KANK4: variants seen among roughly 807,000 people sequenced by gnomAD.
KANK4 encodes the protein KN motif and ankyrin repeat domain-containing protein 4.
KANK4 carries 50 observed loss-of-function variants against 80.8 expected under a neutral mutation model. The ratio of observed to expected loss-of-function variants is 0.62; its 90% CI spans 0.49 to 0.78. The LOEUF (loss-of-function observed/expected upper bound fraction) is 0.78. Among genes scored for constraint, KANK4 ranks in the 30% least tolerant of loss-of-function variants. The probability of loss-of-function intolerance (pLI) is 0.00; values close to 1 mark genes in which losing one functional copy is unlikely to be tolerated. For synonymous variants in KANK4, 465 were observed against 506.9 expected, an observed-to-expected ratio of 0.92 and a Z score of 1.11; for missense variants, 1,196 against 1,240.1, an observed-to-expected ratio of 0.96 and a Z score of 0.53.
rs74076416 is a variant in KANK4, at chr1:62,256,886, G to A, written c.2540-3677C>T. Among the ~76,000 whole-genome samples the A allele has an allele frequency of 1.9e-3, 289 of 152,132 alleles. 1 individual carries two copies. The highest frequency in any genetic ancestry group is 6.3e-3 in the African/African-American group (260 of 41,512). On this transcript the variant is annotated intron_variant, in intron 7 of 9. Transcript: ENST00000371153. ...GCTCTGTCCTGATACGGAAGTGAAC[G>A]TTTGCACTACCTTATTAATAACTTT...
chr1:62,270,386 C>CTTTTTT (rs66601241), intron 4 of KANK4, among the ~76,000 whole-genome samples: 1 of 142,580 alleles, frequency 7.0e-6, no homozygotes, highest in Non-Finnish European at 1.5e-5. Flanking sequence ...CTTTGCTTTG[C>CTTTTTT]TTTTTTTTTT....
rs1236241523 is a variant in KANK4, at chr1:62,238,352, C to T, written c.2913G>A (p.Leu971=). 1 of 1,613,890 alleles carries T rather than the reference C, an allele frequency of 6.2e-7. No individual in the cohort carries two copies. Among genetic ancestry groups the T allele is most frequent in the Non-Finnish European group, 8.5e-7 (1 of 1,180,022 alleles). Residue 971 remains leucine (L), a synonymous_variant, in exon 10 of 10, where the codon CTG becomes CTA. Transcript: ENST00000371153. ...CAATTTCCATATGGGTGGGTGACTTCAGAGCGATGGACAAAGCTGTGCGGC... is the reference window on the plus strand; with the variant it reads ...CAATTTCCATATGGGTGGGTGACTTTAGAGCGATGGACAAAGCTGTGCGGC... ...KAGRTALSIA[L]KSPTHMEIAG... is the part of the protein sequence containing the mutation.
intron 4 of KANK4, among the ~76,000 whole-genome samples, chr1:62,269,380 G>A (rs1477876829): frequency 6.6e-6 from 1 of 152,154 alleles, no homozygotes. Context: ...AACCCCCTAA[G>A]GACCCTTCTC....
At chr1:62,304,078 T>G (rs1644432751) in intron 1 of KANK4, among the ~76,000 whole-genome samples, 1 of 152,016 alleles carries the variant, frequency 6.6e-6, no homozygotes, top group African/African-American at 2.4e-5. Context: ...TTTCCGCATG[T>G]TGGCCAGGCT....
intron 7 of KANK4, among the ~76,000 whole-genome samples, chr1:62,255,882 TC>T (rs1252664094): frequency 6.6e-6 from 1 of 152,158 alleles, no homozygotes; most frequent in Non-Finnish European, 1.5e-5. Flanking sequence ...ACTCTTGAGC[TC>T]AAGCCATCCA....
At chr1:62,281,856 A>T (rs1244399372) in intron 1 of KANK4, among the ~76,000 whole-genome samples, 2 of 152,146 alleles carry the variant, frequency 1.3e-5, no homozygotes, top group Non-Finnish European at 2.9e-5. Context: ...ACATGAAAAG[A>T]AGTGGAAGTA....
intron 1 of KANK4, among the ~76,000 whole-genome samples, chr1:62,283,229 T>C (rs1672490044): frequency 6.6e-6 from 1 of 152,188 alleles, no homozygotes; most frequent in Non-Finnish European, 1.5e-5. Context: ...CAGCCTCTCC[T>C]GCTCCTGCTC....
Position 62,273,648 on chromosome 1 carries a change from C to A in KANK4, c.1456G>T (p.Val486Phe), listed in dbSNP as rs1206145360. The A allele has an allele frequency of 6.2e-7, 1 of 1,614,158 alleles. No homozygotes were observed. The highest frequency in any genetic ancestry group is 8.5e-7 in the Non-Finnish European group (1 of 1,180,026). The change falls in exon 3 of 10, where the codon GTC becomes TTC. Residue 486 changes from valine (V) to phenylalanine (F), a missense_variant. Coordinates refer to ENST00000371153, the MANE Select transcript of KANK4 (RefSeq NM_181712.5). ...QLSLPQGPEQ[V>F]LTSSVHSFLS... The stretch of plus-strand genomic sequence containing the variant: ...AAGCTATGTACAGAGGAGGTAAGGA[C>A]CTGCTCGGGTCCCTGTGGCAGTGAC...
chr1:62,278,396 T>TC (rs772231062), intron 2 of KANK4, among the ~76,000 whole-genome samples: 5 of 51,486 alleles, frequency 9.7e-5, no homozygotes, highest in South Asian at 7.1e-4. Context: ...TTTCTTTCTT[T>TC]CTTTTTTTTT....
In KANK4 at chr1:62,274,195, G is replaced by A. The variant is rs770579598; in HGVS notation, c.909C>T (p.Ile303=). 1.1e-5 allele frequency: 17 copies of A among 1,614,138 alleles called. No homozygotes were observed. Among genetic ancestry groups the A allele is most frequent in the East Asian group, 6.7e-5 (3 of 44,878 alleles). ...GTGGAATCTCGCTGATGTTGAGCTCGATTTCTTCCAGGAGGAGCTCATTCT... is the reference window on the plus strand; with the variant it reads ...GTGGAATCTCGCTGATGTTGAGCTCAATTTCTTCCAGGAGGAGCTCATTCT... ...IPENELLLEE[I]ELNISEIPPP... Residue 303 remains isoleucine (I), a synonymous_variant, in exon 3 of 10, where the codon ATC becomes ATT. Coordinates refer to ENST00000371153, the MANE Select transcript of KANK4 (RefSeq NM_181712.5).
rs143234555 is a variant in KANK4 at position 62,264,732 on chromosome 1, A to G, written c.2320-1421T>C. 4.5e-4 allele frequency among the ~76,000 whole-genome samples: 68 copies of G among 152,368 alleles called. 1 individual carries two copies. Among genetic ancestry groups the G allele is most frequent in the African/African-American group, 1.5e-3 (64 of 41,586 alleles). ...CTGAAACACTTTAATAAATCAGAGT[A>G]TCTCCTTTATCCATGGGATCTTCAA... On this transcript the variant is annotated intron_variant, in intron 6 of 9. Coordinates refer to ENST00000371153, the MANE Select transcript of KANK4 (RefSeq NM_181712.5).
In KANK4 at chr1:62,275,061, C is replaced by A; in HGVS notation, c.43G>T (p.Glu15Ter). Reference protein sequence around the residue: ...DAKDQSSQGDEEKDPPKSHPY... With the variant: ...DAKDQSSQGD ...TGGCTCTTCGGAGGGTCTTTCTCTT[C>A]ATCCCCCTGAGAGGACTGGTCTTTG... The change falls in exon 3 of 10, where the codon GAA becomes TAA. Residue 15 changes from glutamate (E) to a stop codon, truncating the protein, a stop_gained. Coordinates refer to ENST00000371153, the MANE Select transcript of KANK4 (RefSeq NM_181712.5). LOFTEE classifies it high-confidence loss of function. 1 of 1,612,708 alleles carries A rather than the reference C, an allele frequency of 6.2e-7. No homozygotes were observed. The highest frequency in any genetic ancestry group is 8.5e-7 in the Non-Finnish European group (1 of 1,179,230).
At chr1:62,310,856 G>A (rs912537858) in intron 1 of KANK4, among the ~76,000 whole-genome samples, 1 of 129,100 alleles carries the variant, frequency 7.7e-6, no homozygotes, top group African/African-American at 3.0e-5. Flanking sequence ...GGTAAAATTA[G>A]GCAAGCACCA....
In KANK4 at chr1:62,314,864, C is replaced by G. The variant is rs138317070; in HGVS notation, c.-71+4242G>C. ...GGCCTGGGCGAGACAGTGAAGTGAT[C>G]CTTTTGAAAACAGGACTTCTTTCTC... On this transcript the variant is annotated intron_variant, in intron 1 of 9. Transcript: ENST00000371153. Among the ~76,000 whole-genome samples, 170 of 152,294 alleles carry G rather than the reference C, an allele frequency of 1.1e-3. 1 individual carries two copies. The highest frequency in any genetic ancestry group is 3.9e-3 in the African/African-American group (164 of 41,554).
intron 2 of KANK4, among the ~76,000 whole-genome samples, chr1:62,279,034 G>C (rs1672387474): frequency 6.6e-6 from 1 of 152,144 alleles, no homozygotes; most frequent in Non-Finnish European, 1.5e-5. Context: ...ACGGCCTCTG[G>C]GCGCAGGTCC....
At chr1:62,238,436 G>C (rs1671259113) in intron 9 of KANK4, 55 bp from the exon 10 acceptor site, 1 of 1,493,422 alleles carries the variant, frequency 6.7e-7, no homozygotes, top group Non-Finnish European at 9.3e-7. Context: ...CCTCCTGCCT[G>C]GGGGAGAAGG....
At chr1:62,242,361 CAAAAAAAAAAAAAA>C (rs57320794) in intron 9 of KANK4, among the ~76,000 whole-genome samples, 105 of 66,154 alleles carry the variant, frequency 1.6e-3, no homozygotes, top group Non-Finnish European at 8.4e-4. Flanking sequence ...GACCATACCT[CAAAAAAAAAAAAAA>C]AAAAAAAAAA....
rs548272273 is a variant in KANK4, at chr1:62,238,314, C to G, written c.2951G>C (p.Arg984Thr). 6.2e-7 allele frequency: 1 copy of G among 1,614,104 alleles called. No individual in the cohort carries two copies. The highest frequency in any genetic ancestry group is 1.3e-5 in the African/African-American group (1 of 75,044). The part of the protein sequence containing the change: ...PTHMEIAGLL[R>T]AHAEQGRSLG... Reference sequence around the variant, plus strand: ...GGACCTGCCCTGCTCCGCGTGGGCTCTCAGAAGCCCAGCAATTTCCATATG... The same window carrying G: ...GGACCTGCCCTGCTCCGCGTGGGCTGTCAGAAGCCCAGCAATTTCCATATG... The change falls in exon 10 of 10, where the codon AGA (arginine) becomes ACA (threonine). Residue 984 changes from arginine (R) to threonine (T), a missense_variant. Around this residue, in one of 3 missense-constraint regions of KANK4, gnomAD observed 1,154 missense variants for 1,179.6 expected, o/e 0.98. Transcript: ENST00000371153.
At chr1:62,302,784 C>G (rs559773679) in intron 1 of KANK4, among the ~76,000 whole-genome samples, 1 of 152,098 alleles carries the variant, frequency 6.6e-6, no homozygotes, top group Admixed American at 6.5e-5. Context: ...TATAAGCCAC[C>G]CCGTCTATGG....
Sources: allele counts gnomAD v4.1 joint callset (sites outside exome capture counted in the v4.1 genomes callset), GRCh38; gene constraint gnomAD v4.1.1; regional missense constraint gnomAD v4.1.1; transcripts MANE v1.5; gene names NCBI Gene and HGNC (gene_info 2026-07-23, HGNC 2026-07-21).